Variants in MYT1 observed in about 807,000 individuals in gnomAD.
MYT1 encodes myelin transcription factor I.
A neutral mutation model predicts 123.0 loss-of-function variants in MYT1; 23 were observed. That is an observed-to-expected ratio of 0.19 (90% confidence interval 0.13 to 0.26). The LOEUF is 0.26. Among genes scored for constraint, MYT1 ranks in the 10% least tolerant of loss-of-function variants. The pLI is 1.00. For synonymous variants in MYT1, 518 were observed against 575.3 expected (o/e 0.90, Z 1.43); for missense variants, 1,125 against 1,472.5 (o/e 0.76, Z 3.86).
chr20:64,173,660 A>C (rs1185444616), intron 1 of MYT1, among the ~76,000 whole-genome samples: 1 of 142,704 alleles, frequency 7.0e-6, no homozygotes, highest in Non-Finnish European at 1.5e-5. Flanking sequence ...AGTTGTGTCC[A>C]TTTCCCCTCC....
chr20:64,195,520 C>T (rs912604835), intron 2 of MYT1, among the ~76,000 whole-genome samples: 5 of 151,582 alleles, frequency 3.3e-5, no homozygotes, highest in African/African-American at 9.7e-5. Flanking sequence ...CTCAGCCTCC[C>T]AAGTAGCTGA....
chr20:64,235,195 T>C (rs1984474201), intron 19 of MYT1, among the ~76,000 whole-genome samples: 1 of 100,776 alleles, frequency 9.9e-6, no homozygotes, highest in South Asian at 4.2e-4. Flanking sequence ...CTGGCCGTGG[T>C]ATGTGACCCC....
chr20:64,167,913 C>T lies in MYT1; in HGVS notation c.-99+3174C>T, dbSNP rs1982130650. On this transcript the variant is annotated intron_variant, in intron 1 of 22. Coordinates refer to ENST00000328439, the MANE Select transcript of MYT1 (RefSeq NM_004535.3). This position sits in a 1 kb window ranked among gnomAD's most constrained non-coding sequence, Gnocchi z 6.3. ...ATTAGATTAGTCAGACCGAGAAACG[C>T]CGTGTTTCCCAGAAGGGAAGAGAGC... Among the ~76,000 whole-genome samples, 1 of 152,246 alleles carries T rather than the reference C, an allele frequency of 6.6e-6. No individual in the cohort carries two copies. Among genetic ancestry groups the T allele is most frequent in the Non-Finnish European group, 1.5e-5 (1 of 68,044 alleles).
Position 64,240,570 on chromosome 20 carries a change from C to T in MYT1, c.*122C>T, listed in dbSNP as rs1366600731. 31 of 1,372,924 alleles carry T rather than the reference C, an allele frequency of 2.3e-5. No individual in the cohort carries two copies. The highest frequency in any genetic ancestry group is 1.0e-4 in the African/African-American group (7 of 68,288). 85.0% of individuals were successfully genotyped at this position (1,372,924 alleles called of 1,614,324 possible). ...GTTTGGGGCCCGGTGTGGCCGCGGG[C>T]GGGTTTATCCAAAGGGATGGCTGGA... On this transcript the variant is annotated 3_prime_UTR_variant, in exon 23 of 23. Coordinates refer to ENST00000328439, the MANE Select transcript of MYT1 (RefSeq NM_004535.3).
At position 64,208,567 on chromosome 20, in the gene MYT1, C is replaced by A. The variant is rs939639136; in HGVS notation, c.1291+80C>A. On this transcript the variant is annotated intron_variant, in intron 7 of 22. Coordinates refer to ENST00000328439, the MANE Select transcript of MYT1 (RefSeq NM_004535.3). This position sits in a 1 kb window ranked among gnomAD's most constrained non-coding sequence, Gnocchi z 5.4. ...GGTGTGCAGATGCAGGCTGAGAGCC[C>A]TTCTAGGACAGGGGGCTGGGGGATG... 1.3e-6 allele frequency: 2 copies of A among 1,491,648 alleles called. No homozygotes were observed. Among genetic ancestry groups the A allele is most frequent in the African/African-American group, 1.4e-5 (1 of 71,202 alleles). 92.4% of individuals were successfully genotyped at this position (1,491,648 alleles called of 1,614,324 possible).
chr20:64,232,357 G>A lies in MYT1; in HGVS notation c.2869G>A (p.Ala957Thr), dbSNP rs774919125. Residue 957 changes from alanine (A) to threonine (T), a missense_variant, in exon 19 of 23, where the codon GCC becomes ACC. Physicochemically the swap from Ala to Thr is moderately conservative, Grantham distance 58. This residue lies in a region of MYT1 where 243 missense variants were observed against 323.1 expected (regional missense o/e 0.75). Transcript: ENST00000328439. This position sits in a 1 kb window ranked among gnomAD's most constrained non-coding sequence, Gnocchi z 6.9. Reference protein sequence around the residue: ...PTPGCDGSGHANGSFLTHRSL... With the variant: ...PTPGCDGSGHTNGSFLTHRSL... Reference sequence around the variant, plus strand: ...CCCGGGCTGTGACGGCTCTGGCCACGCCAATGGGAGTTTCCTCACCCACCG... The same window carrying A: ...CCCGGGCTGTGACGGCTCTGGCCACACCAATGGGAGTTTCCTCACCCACCG... 3 of 1,613,008 alleles carry A rather than the reference G, an allele frequency of 1.9e-6. No homozygotes were observed. The highest frequency in any genetic ancestry group is 2.5e-6 in the Non-Finnish European group (3 of 1,179,984).
At chr20:64,224,938 G>A (rs909398414) in intron 16 of MYT1, among the ~76,000 whole-genome samples, 4 of 152,202 alleles carry the variant, frequency 2.6e-5, no homozygotes, top group East Asian at 3.8e-4. Context: ...AGACATGGCC[G>A]TCTGGGAGAG....
intron 10 of MYT1, among the ~76,000 whole-genome samples, chr20:64,214,321 G>T (rs1258218734): frequency 1.3e-5 from 2 of 152,180 alleles, no homozygotes; most frequent in African/African-American, 4.8e-5. Context: ...GGGAGCGTGT[G>T]TGTGCATGTT....
chr20:64,180,060 ACAC>A (rs1982600071), intron 1 of MYT1, among the ~76,000 whole-genome samples: 1 of 82,100 alleles, frequency 1.2e-5, no homozygotes. Context: ...ACACAGTTAC[ACAC>A]CACACGCAGT....
chr20:64,224,607 A>G (rs907545784), intron 16 of MYT1, among the ~76,000 whole-genome samples: 1 of 152,208 alleles, frequency 6.6e-6, no homozygotes, highest in African/African-American at 2.4e-5. Flanking sequence ...AGCTGCACAC[A>G]TTGACTTATT....
intron 1 of MYT1, among the ~76,000 whole-genome samples, chr20:64,179,847 TAC>T (rs1049160820): frequency 5.9e-5 from 9 of 151,488 alleles, no homozygotes; most frequent in Admixed American, 3.3e-4. Context: ...CACACACAGT[TAC>T]ACACACATAC....
intron 8 of MYT1, 67 bp from the exon 9 acceptor site, chr20:64,211,981 C>G (rs1983680313): frequency 1.3e-5 from 18 of 1,374,858 alleles, no homozygotes; most frequent in Non-Finnish European, 1.8e-5. Context: ...CCTGTGCTCC[C>G]CACACAGCTG....
chr20:64,213,094 A>G lies in MYT1; in HGVS notation c.1518-440A>G, dbSNP rs1479300184. Among the ~76,000 whole-genome samples the G allele has an allele frequency of 6.6e-6, 1 of 152,062 alleles. No individual in the cohort carries two copies. The highest frequency in any genetic ancestry group is 1.5e-5 in the Non-Finnish European group (1 of 67,996). ...GGGTCAGTGCCCAGGCTGTGGTCCA[A>G]GTGGGGCCCTGGGCTGCCCCAGAGC... On this transcript the variant is annotated intron_variant, in intron 9 of 22. Coordinates refer to ENST00000328439, the MANE Select transcript of MYT1 (RefSeq NM_004535.3). The surrounding 1 kb of genome is among the most constrained non-coding windows in gnomAD (Gnocchi z 5.6).
intron 1 of MYT1, among the ~76,000 whole-genome samples, chr20:64,169,863 G>C (rs944968771): frequency 2.6e-5 from 4 of 152,220 alleles, no homozygotes; most frequent in African/African-American, 9.6e-5. Context: ...AACGTGTTCT[G>C]TACTGGACAC....
At chr20:64,194,983 C>T (rs1454116736) in intron 2 of MYT1, among the ~76,000 whole-genome samples, 2 of 152,072 alleles carry the variant, frequency 1.3e-5, no homozygotes, top group Non-Finnish European at 2.9e-5. Flanking sequence ...TCAACCTTTG[C>T]CTCGGGGGTT....
rs555464795 is a variant in MYT1 at position 64,203,701 on chromosome 20, C to T, written c.87-1334C>T. On this transcript the variant is annotated intron_variant, in intron 4 of 22. Transcript: ENST00000328439. This position sits in a 1 kb window ranked among gnomAD's most constrained non-coding sequence, Gnocchi z 5.1. Reference sequence around the variant, plus strand: ...TAGGGTAAGGCCTGGATTCTGCTGACGGTTCTCCCAGAGGTAGTCGGGGAG... The same window carrying T: ...TAGGGTAAGGCCTGGATTCTGCTGATGGTTCTCCCAGAGGTAGTCGGGGAG... Among the ~76,000 whole-genome samples the T allele has an allele frequency of 3.3e-5, 5 of 152,330 alleles. No individual in the cohort carries two copies. Among genetic ancestry groups the T allele is most frequent in the Non-Finnish European group, 7.4e-5 (5 of 68,026 alleles).
At chr20:64,236,433 C>A in intron 19 of MYT1, 122 bp from the exon 20 acceptor site, 1 of 696,596 alleles carries the variant, frequency 1.4e-6, no homozygotes, top group South Asian at 1.8e-5. Context: ...CTGGGATGGT[C>A]GTGGTGGGTG....
intron 1 of MYT1, among the ~76,000 whole-genome samples, chr20:64,172,140 C>T (rs1177347319): frequency 6.6e-6 from 1 of 152,198 alleles, no homozygotes; most frequent in Non-Finnish European, 1.5e-5. Flanking sequence ...TGACCACTGT[C>T]CATCCAGGCT....
chr20:64,207,541 T>C, intron 6 of MYT1, 53 bp from the exon 7 acceptor site: 1 of 1,573,582 alleles, frequency 6.4e-7, no homozygotes. Context: ...ACTGGAGACC[T>C]GGAGTCTTCC....
Sources: gnomAD v4.1 joint callset for allele counts (sites outside exome capture counted in the v4.1 genomes callset) on GRCh38, gnomAD v4.1.1 for gene constraint, gnomAD v4.1.1 regional missense constraint, Gnocchi (gnomAD v3.1) non-coding constraint, MANE v1.5 for transcripts, NCBI Gene and HGNC (gene_info 2026-07-23, HGNC 2026-07-21) for gene names.